The following IGSF11 variants were observed in gnomAD, a reference collection of about 807,000 sequenced individuals.
IGSF11 encodes immunoglobulin superfamily member 11, also known as CXADR like 1.
A neutral mutation model predicts 41.0 loss-of-function variants in IGSF11; 22 were observed. The observed-to-expected ratio is 0.54, with a 90% CI of 0.38 to 0.77. IGSF11 has a LOEUF of 0.77. Ranked by LOEUF, IGSF11 falls within the 30% of genes least tolerant of loss-of-function variation. The pLI is 0.00. For synonymous variants in IGSF11, 219 were observed against 201.3 expected (o/e 1.09, Z -0.74); for missense variants, 444 against 530.8 (o/e 0.84, Z 1.61).
At chr3:119,072,133 T>C (rs1022526787) in intron 1 of IGSF11, among the ~76,000 whole-genome samples, 6 of 152,060 alleles carry the variant, frequency 3.9e-5, no homozygotes, top group African/African-American at 1.4e-4. Context: ...ACGTCTTCCG[T>C]GAGATTTCTT....
At chr3:118,982,850 C>T (rs887624028) in intron 1 of IGSF11, among the ~76,000 whole-genome samples, 5 of 152,146 alleles carry the variant, frequency 3.3e-5, no homozygotes, top group Admixed American at 3.3e-4. Flanking sequence ...AGCAGTTTTA[C>T]ACAAAGTTTA....
intron 1 of IGSF11, among the ~76,000 whole-genome samples, chr3:118,944,478 A>T (rs1431342639): frequency 6.6e-6 from 1 of 150,898 alleles, no homozygotes; most frequent in Non-Finnish European, 1.5e-5. Context: ...ACACACACAC[A>T]CACACACACA....
chr3:118,954,041 G>T (rs115307429), intron 1 of IGSF11, among the ~76,000 whole-genome samples: 3,663 of 152,168 alleles, frequency 0.024, 80 homozygotes, highest in East Asian at 0.066. Flanking sequence ...TCAGGTCTTA[G>T]ATTTAAGAAC....
At chr3:119,095,590 T>C (rs1304613467) in intron 1 of IGSF11, among the ~76,000 whole-genome samples, 3 of 152,122 alleles carry the variant, frequency 2.0e-5, no homozygotes, top group Admixed American at 6.5e-5. Context: ...GATTCCTAGA[T>C]AGGGACCAAG....
At chr3:118,912,335 C>G (rs531983013) in intron 4 of IGSF11, among the ~76,000 whole-genome samples, 1 of 152,278 alleles carries the variant, frequency 6.6e-6, no homozygotes, top group Non-Finnish European at 1.5e-5. Context: ...TGCCAAGAAG[C>G]TGCAGGACTT....
chr3:119,076,117 A>G (rs2076494002), intron 1 of IGSF11, among the ~76,000 whole-genome samples: 1 of 152,170 alleles, frequency 6.6e-6, no homozygotes, highest in Non-Finnish European at 1.5e-5. Flanking sequence ...CACATCTACA[A>G]CCATCTGATC....
chr3:118,921,842 G>C (rs1941826359), intron 4 of IGSF11, among the ~76,000 whole-genome samples: 1 of 152,024 alleles, frequency 6.6e-6, no homozygotes, highest in African/African-American at 2.4e-5. Flanking sequence ...AATTAAATCA[G>C]TAGTCAAAAA....
chr3:118,970,657 T>C (rs926539479), intron 1 of IGSF11, among the ~76,000 whole-genome samples: 2 of 151,818 alleles, frequency 1.3e-5, no homozygotes, highest in African/African-American at 2.4e-5. Context: ...AAAAAGGATA[T>C]ATTCTAGGAG....
intron 1 of IGSF11, among the ~76,000 whole-genome samples, chr3:119,004,635 T>C (rs568676953): frequency 0.025 from 3,721 of 147,752 alleles, 139 homozygotes; most frequent in African/African-American, 0.089. Context: ...CTGCTTTGAA[T>C]GTGTCCCAGA....
At chr3:118,972,438 T>C (rs929825099) in intron 1 of IGSF11, among the ~76,000 whole-genome samples, 3 of 152,234 alleles carry the variant, frequency 2.0e-5, no homozygotes, top group African/African-American at 7.2e-5. Flanking sequence ...TTCATGTCTA[T>C]TGTCTTCTCT....
At chr3:119,000,549 T>C (rs1170300599) in intron 1 of IGSF11, among the ~76,000 whole-genome samples, 1 of 151,232 alleles carries the variant, frequency 6.6e-6, no homozygotes, top group Non-Finnish European at 1.5e-5. Context: ...TCGTATGGCA[T>C]GCATCAGATC....
chr3:119,009,556 C>T (rs1359842892), intron 1 of IGSF11, among the ~76,000 whole-genome samples: 1 of 152,170 alleles, frequency 6.6e-6, no homozygotes, highest in Non-Finnish European at 1.5e-5. Context: ...CCTCACCTTC[C>T]ACCATGACTA....
At chr3:119,104,755 C>A (rs751237635) in intron 1 of IGSF11, among the ~76,000 whole-genome samples, 1 of 152,138 alleles carries the variant, frequency 6.6e-6, no homozygotes, top group Non-Finnish European at 1.5e-5. Context: ...TATGTCACTT[C>A]TCCTTACCCT....
chr3:118,904,874 G>T, intron 5 of IGSF11, 76 bp from the exon 6 acceptor site: 3 of 1,193,244 alleles, frequency 2.5e-6, no homozygotes, highest in Non-Finnish European at 3.5e-6. Flanking sequence ...ACTGTAATAA[G>T]CACATAAGCT....
At chr3:119,100,687 T>C (rs965070731) in intron 1 of IGSF11, among the ~76,000 whole-genome samples, 1 of 152,324 alleles carries the variant, frequency 6.6e-6, no homozygotes, top group Admixed American at 6.5e-5. Flanking sequence ...AGGCTTTTCA[T>C]TGGTAAAATA....
At chr3:118,993,215 A>C (rs1374787557) in intron 1 of IGSF11, among the ~76,000 whole-genome samples, 1 of 152,150 alleles carries the variant, frequency 6.6e-6, no homozygotes, top group Non-Finnish European at 1.5e-5. Context: ...GCAACAGAGC[A>C]AGATCCCAAT....
intron 1 of IGSF11, among the ~76,000 whole-genome samples, chr3:118,982,375 T>TA (rs1934822692): frequency 6.6e-6 from 1 of 152,302 alleles, no homozygotes; most frequent in African/African-American, 2.4e-5. Flanking sequence ...TTGGAACTCT[T>TA]ACGTTTTCTC....
intron 1 of IGSF11, among the ~76,000 whole-genome samples, chr3:119,008,514 CAAG>C (rs1436171275): frequency 1.3e-5 from 2 of 152,058 alleles, no homozygotes; most frequent in African/African-American, 4.8e-5. Context: ...ATCAGGGAAA[CAAG>C]GAGGAGGAAG....
intron 1 of IGSF11, among the ~76,000 whole-genome samples, chr3:118,935,109 T>C (rs965457748): frequency 2.0e-5 from 3 of 151,686 alleles, no homozygotes; most frequent in Non-Finnish European, 2.9e-5. Flanking sequence ...TGCGATTATA[T>C]AACAAATCCT....
Sources: gnomAD v4.1 joint callset for allele counts (sites outside exome capture counted in the v4.1 genomes callset) on GRCh38, gnomAD v4.1.1 for gene constraint, MANE v1.5 for transcripts, NCBI Gene and HGNC (gene_info 2026-07-23, HGNC 2026-07-21) for gene names.